HS1BP3: variants seen among roughly 807,000 people sequenced by gnomAD.
HS1BP3 encodes the protein HCLS1 binding protein 3.
In HS1BP3, 32 loss-of-function variants were observed where a neutral mutation model predicts 33.5. The observed-to-expected ratio is 0.95, with a 90% CI of 0.72 to 1.28. The LOEUF (loss-of-function observed/expected upper bound fraction) is 1.28, where lower values mean the gene tolerates loss of function less well. Ranked by LOEUF, HS1BP3 falls within the 50% of genes most tolerant of loss-of-function variation. HS1BP3 has a pLI of 0.00. For synonymous variants in HS1BP3, 187 were observed against 209.2 expected (o/e 0.89, Z 0.92); for missense variants, 486 against 502.3 (o/e 0.97, Z 0.31).
Position 20,609,534 on chromosome 2 carries a change from G to C in HS1BP3, c.179-11269C>G, listed in dbSNP as rs536646492. 3.3e-5 allele frequency among the ~76,000 whole-genome samples: 5 copies of C among 152,288 alleles called. No individual in the cohort carries two copies. In the South Asian group the frequency reaches 6.2e-4, roughly 19 times the overall value. On this transcript the variant is annotated intron_variant, in intron 2 of 3. Coordinates refer to the HS1BP3 transcript ENST00000415264. ...CTCCTCTTGGCTTCATTCCAGGAGT[G>C]GGGGAGAGGAGGGAAGGCTGGGCTG...
intron 2 of HS1BP3, among the ~76,000 whole-genome samples, chr2:20,605,400 G>C (rs1359712994): frequency 6.6e-6 from 1 of 152,108 alleles, no homozygotes; most frequent in Non-Finnish European, 1.5e-5. Context: ...TTCCCATCAT[G>C]TCCTAGGTAA....
rs184846560 is a variant in HS1BP3, at chr2:20,622,426, C to T, written c.920+1470G>A. 4.7e-4 allele frequency: 374 copies of T among 798,656 alleles called. 2 individuals carry two copies. In the African/African-American group the frequency reaches 5.9e-3, roughly 13 times the overall value. 49.5% of individuals were successfully genotyped at this position (798,656 alleles called of 1,614,324 possible). A position where few individuals can be genotyped will look rare whatever the true frequency, so the allele number is the denominator to read the frequency against. ...ACTTTTTGAGCAGGGACTCCCCAAG[C>T]GCTCTGCGGGATGCTAAGGGGCACC... On this transcript the variant is annotated intron_variant, in intron 6 of 6. Coordinates refer to ENST00000304031, the MANE Select transcript of HS1BP3 (RefSeq NM_022460.4).
rs1306201296 is a variant in HS1BP3 at position 20,624,054 on chromosome 2, G to C, written c.785-23C>G. ...GGGCTGTGGGAAGGCAGCAGCAGGG[G>C]GGTCAGAGGAAGCCTCTAGGCTGGG... is the stretch of plus-strand genomic sequence containing the variant. On this transcript the variant is annotated intron_variant, in intron 5 of 6. Transcript: ENST00000304031. The C allele has an allele frequency of 2.5e-6, 4 of 1,609,250 alleles. No homozygotes were observed. In the East Asian group the frequency reaches 8.9e-5, roughly 36 times the overall value.
At chr2:20,589,988 G>A (rs1352835227), downstream of HS1BP3, among the ~76,000 whole-genome samples, 1 of 152,148 alleles carries the variant, frequency 6.6e-6, no homozygotes. Context: ...GCTGTGTCCA[G>A]GAGTCTGGTG....
Position 20,598,223 on chromosome 2 carries a change from G to T in HS1BP3, c.222C>A (p.His74Gln), listed in dbSNP as rs1050656076. The T allele has an allele frequency of 7.3e-6, 3 of 413,442 alleles. No homozygotes were observed. The Admixed American group carries it at 7.5e-5, about 10-fold the overall frequency. The allele number at this position is 413,442 out of a possible 1,614,324, so 25.6% of individuals were successfully genotyped here. A position where few individuals can be genotyped will look rare whatever the true frequency, so the allele number is the denominator to read the frequency against. The change falls in exon 3 of 4, where the codon CAC (histidine) becomes CAA (glutamine). Residue 74 changes from histidine (H) to glutamine (Q), a missense_variant. Physicochemically the swap from His to Gln is conservative, Grantham distance 24. Transcript: ENST00000415264. ...TCTAACTCACCATAATGTAGAATCA[G>T]TGGGAGCCCTGAGCTTGTTTGCCTG...
intron 5 of HS1BP3, among the ~76,000 whole-genome samples, chr2:20,572,014 G>T (rs115208375): frequency 0.027 from 4,126 of 152,318 alleles, 58 homozygotes; most frequent in Non-Finnish European, 0.031. Context: ...GCTCAGAGAG[G>T]TTGAGTCATA....
chr2:20,593,049 G>T (rs1254454946), intron 3 of HS1BP3, among the ~76,000 whole-genome samples: 1 of 151,928 alleles, frequency 6.6e-6, no homozygotes, highest in South Asian at 2.1e-4. Context: ...CCAACCTCCC[G>T]CTGTCTACCC....
At chr2:20,569,909 A>G (rs547393424) in intron 5 of HS1BP3, among the ~76,000 whole-genome samples, 10 of 152,320 alleles carry the variant, frequency 6.6e-5, no homozygotes, top group African/African-American at 1.4e-4. Context: ...CCCAGCCCCC[A>G]ACAGTCTCCC....
intron 2 of HS1BP3, among the ~76,000 whole-genome samples, chr2:20,599,648 A>ACACACT (rs1553317651): frequency 2.3e-5 from 3 of 132,038 alleles, no homozygotes; most frequent in East Asian, 4.5e-4. Context: ...ACACACACAC[A>ACACACT]CTCTGTTTTT....
At chr2:20,632,385 C>T (rs1390216987) in intron 4 of HS1BP3, among the ~76,000 whole-genome samples, 1 of 152,220 alleles carries the variant, frequency 6.6e-6, no homozygotes, top group African/African-American at 2.4e-5. Context: ...GCCCATCACC[C>T]ATGTCATCAA....
At chr2:20,635,580 A>G (rs149266830) in intron 4 of HS1BP3, 28 of 152,318 alleles carry the variant, frequency 1.8e-4, no homozygotes, top group African/African-American at 6.0e-4. Context: ...ATAAGGCAGA[A>G]CTATTAGGGT....
intron 3 of HS1BP3, among the ~76,000 whole-genome samples, chr2:20,593,294 C>T (rs530352960): frequency 6.6e-6 from 1 of 152,288 alleles, no homozygotes; most frequent in African/African-American, 2.4e-5. Flanking sequence ...TCTTCCTTAC[C>T]ACTCATCACC....
intron 6 of HS1BP3, 179 bp downstream of exon 6, chr2:20,623,717 C>T: frequency 1.4e-5 from 9 of 624,942 alleles, no homozygotes; most frequent in East Asian, 3.2e-5. Flanking sequence ...TGCGGATCCT[C>T]CCCCTCAGCC....
chr2:20,647,942 A>G (rs977815150), intron 1 of HS1BP3, among the ~76,000 whole-genome samples: 6 of 152,112 alleles, frequency 3.9e-5, no homozygotes, highest in Non-Finnish European at 7.4e-5. Context: ...TGCTCCAGAG[A>G]CCATCGGAGA....
chr2:20,599,609 AACACACACAC>A (rs59149167), intron 2 of HS1BP3, among the ~76,000 whole-genome samples: 252 of 136,256 alleles, frequency 1.8e-3, no homozygotes, highest in Non-Finnish European at 2.3e-3. Context: ...CTTCTTGTGT[AACACACACAC>A]ACACACACAC....
chr2:20,576,404 G>A (rs1693401305), intron 5 of HS1BP3, among the ~76,000 whole-genome samples: 1 of 152,170 alleles, frequency 6.6e-6, no homozygotes, highest in Admixed American at 6.5e-5. Flanking sequence ...TGAGAAGCCT[G>A]CCCAGTACAG....
chr2:20,634,349 AC>A (rs1695056777), intron 4 of HS1BP3, among the ~76,000 whole-genome samples: 1 of 152,178 alleles, frequency 6.6e-6, no homozygotes, highest in Non-Finnish European at 1.5e-5. Flanking sequence ...TGGGGGCCCT[AC>A]CCAGATCTGA....
chr2:20,601,694 C>T (rs1218243597), intron 2 of HS1BP3, among the ~76,000 whole-genome samples: 6 of 151,822 alleles, frequency 4.0e-5, no homozygotes, highest in Admixed American at 3.9e-4. Flanking sequence ...GATTGTGAGG[C>T]CTCCCCAGCC....
intron 5 of HS1BP3, among the ~76,000 whole-genome samples, chr2:20,577,078 T>C (rs1248012605): frequency 6.6e-6 from 1 of 152,278 alleles, no homozygotes; most frequent in East Asian, 1.9e-4. Context: ...GCCGTTTGAG[T>C]TGGGTTTTCA....
Sources: allele counts gnomAD v4.1 joint callset (sites outside exome capture counted in the v4.1 genomes callset), GRCh38; gene constraint gnomAD v4.1.1; transcripts MANE v1.5; gene names NCBI Gene and HGNC (gene_info 2026-07-23, HGNC 2026-07-21).